PID1: variants seen among roughly 807,000 people sequenced by gnomAD.
The protein encoded by PID1 is phosphotyrosine interaction domain containing 1.
Under a neutral mutation model 19.1 loss-of-function variants are expected in PID1, and 10 were observed. The ratio of observed to expected loss-of-function variants is 0.52; its 90% CI spans 0.32 to 0.89. The LOEUF is 0.89. Among genes scored for constraint, PID1 ranks in the 40% least tolerant of loss-of-function variants. The pLI, the probability that PID1 is intolerant of heterozygous loss-of-function variation, is 0.03. For synonymous variants in PID1, 130 were observed against 116.0 expected, an observed-to-expected ratio of 1.12 and a Z score of -0.78; for missense variants, 248 against 285.3, an observed-to-expected ratio of 0.87 and a Z score of 0.94.
At chr2:229,235,468 G>C (rs1417423046) in intron 1 of PID1, among the ~76,000 whole-genome samples, 1 of 150,808 alleles carries the variant, frequency 6.6e-6, no homozygotes, top group Non-Finnish European at 1.5e-5. Context: ...ATGGTAACTA[G>C]ATGGGTGATT....
chr2:229,251,609 G>T (rs1489504212), intron 1 of PID1, among the ~76,000 whole-genome samples: 7 of 152,128 alleles, frequency 4.6e-5, no homozygotes, highest in African/African-American at 1.7e-4. Context: ...ATTCCCCTGA[G>T]TGTGAGATAC....
chr2:229,144,324 A>G (rs571150057), intron 2 of PID1, among the ~76,000 whole-genome samples: 3 of 152,272 alleles, frequency 2.0e-5, no homozygotes, highest in African/African-American at 7.2e-5. Context: ...CTACTCAGGA[A>G]CAAGAGGACA....
chr2:229,261,043 G>T (rs1690451395), intron 1 of PID1, among the ~76,000 whole-genome samples: 1 of 152,030 alleles, frequency 6.6e-6, no homozygotes, highest in Non-Finnish European at 1.5e-5. Context: ...ATAAACAGGG[G>T]AAATCTTGAC....
intron 2 of PID1, among the ~76,000 whole-genome samples, chr2:229,104,533 A>C (rs1241108990): frequency 6.6e-6 from 1 of 152,214 alleles, no homozygotes. Context: ...GGAATTAATC[A>C]TACATTATCT....
chr2:229,202,422 T>C (rs1388683883), intron 1 of PID1, among the ~76,000 whole-genome samples: 1 of 152,086 alleles, frequency 6.6e-6, no homozygotes, highest in East Asian at 1.9e-4. Flanking sequence ...GCACCATGTC[T>C]GACCTGAGTT....
At chr2:229,132,747 A>G (rs1019197443) in intron 2 of PID1, among the ~76,000 whole-genome samples, 18 of 152,344 alleles carry the variant, frequency 1.2e-4, no homozygotes, top group African/African-American at 4.3e-4. Context: ...GACCCACCCA[A>G]TTCAATATGT....
intron 2 of PID1, among the ~76,000 whole-genome samples, chr2:229,130,912 G>A (rs1214624542): frequency 6.6e-6 from 1 of 152,148 alleles, no homozygotes; most frequent in African/African-American, 2.4e-5. Flanking sequence ...AGAGCTCCTG[G>A]CAGTTACTGG....
intron 2 of PID1, among the ~76,000 whole-genome samples, chr2:229,128,092 AG>A: frequency 6.6e-6 from 1 of 151,214 alleles, no homozygotes; most frequent in East Asian, 2.0e-4. Context: ...ACGAGATTTT[AG>A]GGGGAAATTA....
chr2:229,219,733 C>T (rs548035159), intron 1 of PID1, among the ~76,000 whole-genome samples: 1 of 152,016 alleles, frequency 6.6e-6, no homozygotes, highest in South Asian at 2.1e-4. Context: ...GAGACAGAGT[C>T]TCAATAAGTT....
intron 2 of PID1, among the ~76,000 whole-genome samples, chr2:229,065,516 T>A (rs548507368): frequency 7.2e-5 from 11 of 152,032 alleles, no homozygotes; most frequent in South Asian, 4.2e-4. Flanking sequence ...CACTTTACAC[T>A]CTCACATCAA....
intron 2 of PID1, among the ~76,000 whole-genome samples, chr2:229,055,761 G>C (rs191315923): frequency 6.6e-5 from 10 of 152,278 alleles, no homozygotes; most frequent in Non-Finnish European, 1.3e-4. Context: ...TGAGAATATG[G>C]CCATAAAGGC....
At chr2:229,069,984 A>G (rs925096768) in intron 2 of PID1, among the ~76,000 whole-genome samples, 2 of 152,256 alleles carry the variant, frequency 1.3e-5, no homozygotes, top group African/African-American at 4.8e-5. Context: ...GAACATCTGC[A>G]TAGTATTTTA....
chr2:229,155,505 G>A (rs540342380), intron 2 of PID1, among the ~76,000 whole-genome samples: 110 of 150,868 alleles, frequency 7.3e-4, no homozygotes, highest in African/African-American at 2.3e-3. Context: ...CCCAGGAGGC[G>A]GAGCTTGCAG....
chr2:229,181,148 ATT>A (rs1690937924), intron 1 of PID1, among the ~76,000 whole-genome samples: 1 of 152,160 alleles, frequency 6.6e-6, no homozygotes. Context: ...CCTCCAGCTA[ATT>A]CTGATATGGG....
chr2:229,178,728 A>C (rs1690877372), intron 1 of PID1, among the ~76,000 whole-genome samples: 1 of 152,220 alleles, frequency 6.6e-6, no homozygotes. Flanking sequence ...TTTGCCATTA[A>C]GTGTCAAATT....
chr2:229,268,626 G>C (rs1690654851), intron 1 of PID1, among the ~76,000 whole-genome samples: 1 of 152,164 alleles, frequency 6.6e-6, no homozygotes, highest in Admixed American at 6.5e-5. Flanking sequence ...AAAAATTAAT[G>C]AGGTCGAATG....
chr2:229,236,257 T>TAACATAAACTCACCCCCAAAA (rs1225731591), intron 1 of PID1: 1 of 152,004 alleles, frequency 6.6e-6, no homozygotes, highest in Non-Finnish European at 1.5e-5. Context: ...GAAGTCTCCT[T>TAACATAAACTCACCCCCAAAA]AACATAAACT....
chr2:229,154,259 T>C (rs1690319490), intron 2 of PID1, among the ~76,000 whole-genome samples: 1 of 151,968 alleles, frequency 6.6e-6, no homozygotes, highest in African/African-American at 2.4e-5. Context: ...ACAAGACTCT[T>C]TTCCCCCCAC....
chr2:229,129,562 T>C (rs1689678717), intron 2 of PID1, among the ~76,000 whole-genome samples: 1 of 152,234 alleles, frequency 6.6e-6, no homozygotes, highest in Admixed American at 6.5e-5. Context: ...TCTCCTCAAC[T>C]GGATAACATA....
Sources: gnomAD v4.1 joint callset for allele counts (sites outside exome capture counted in the v4.1 genomes callset) on GRCh38, gnomAD v4.1.1 for gene constraint, MANE v1.5 for transcripts, NCBI Gene and HGNC (gene_info 2026-07-23, HGNC 2026-07-21) for gene names.